Variants in CHRM2 observed in about 807,000 individuals in gnomAD.
CHRM2 encodes the protein cholinergic receptor muscarinic 2, also known as muscarinic acetylcholine receptor M2.
Under a neutral mutation model 25.0 loss-of-function variants are expected in CHRM2, and 8 were observed. That is an observed-to-expected ratio of 0.32 (90% CI 0.19 to 0.58). The LOEUF (loss-of-function observed/expected upper bound fraction) is 0.58. Ranked by LOEUF, CHRM2 falls within the 20% of genes least tolerant of loss-of-function variation. The pLI is 0.88. For synonymous variants in CHRM2, 202 were observed against 205.7 expected (o/e 0.98, Z 0.15); for missense variants, 440 against 567.1 (o/e 0.78, Z 2.28).
intron 2 of CHRM2, among the ~76,000 whole-genome samples, chr7:136,959,552 A>G (rs2130886178): frequency 6.6e-6 from 1 of 152,290 alleles, no homozygotes; most frequent in Non-Finnish European, 1.5e-5. Context: ...ACAGAAACCA[A>G]ACTCTACATT....
intron 3 of CHRM2, among the ~76,000 whole-genome samples, chr7:136,996,899 C>T (rs570397046): frequency 6.6e-6 from 1 of 152,268 alleles, no homozygotes; most frequent in South Asian, 2.1e-4. Flanking sequence ...TATTTTATGA[C>T]TTTGAGCCAA....
intron 2 of CHRM2, among the ~76,000 whole-genome samples, chr7:136,915,389 T>A (rs1798051542): frequency 6.6e-6 from 1 of 151,912 alleles, no homozygotes; most frequent in Non-Finnish European, 1.5e-5. Context: ...AATTTCCAAT[T>A]CCTGAGACTA....
At position 136,868,713 on chromosome 7, in the gene CHRM2, G is replaced by T. The variant is rs894541634; in HGVS notation, c.-562G>T. ...CACGCTCTCCTGCTGTACTAAAGGC[G>T]CCAGGGCGCAAAGACCTAGGGAGCG... On this transcript the variant is annotated 5_prime_UTR_variant, in exon 1 of 4. Transcript: ENST00000680005. 1 of 152,288 alleles carries T rather than the reference G, an allele frequency of 6.6e-6. No individual in the cohort carries two copies. The highest frequency in any genetic ancestry group is 1.5e-5 in the Non-Finnish European group (1 of 68,374). The allele number at this position is 152,288 out of a possible 1,614,324, so 9.4% of individuals were successfully genotyped here. A position where few individuals can be genotyped will look rare whatever the true frequency, so the allele number is the denominator to read the frequency against.
intron 2 of CHRM2, among the ~76,000 whole-genome samples, chr7:136,901,645 G>A (rs1797216715): frequency 6.6e-6 from 1 of 151,754 alleles, no homozygotes; most frequent in African/African-American, 2.4e-5. Context: ...TATTTTTTGA[G>A]AACATACAGA....
chr7:137,002,251 G>T (rs1336181004), intron 3 of CHRM2, among the ~76,000 whole-genome samples: 1 of 152,106 alleles, frequency 6.6e-6, no homozygotes, highest in Admixed American at 6.6e-5. Flanking sequence ...AGCATTTAGA[G>T]TGATATGGTA....
intron 2 of CHRM2, among the ~76,000 whole-genome samples, chr7:136,950,418 G>A (rs1007119913): frequency 6.6e-6 from 1 of 152,106 alleles, no homozygotes; most frequent in African/African-American, 2.4e-5. Flanking sequence ...TTGAGGCAAT[G>A]ACAGGCTTCC....
rs901953008 is a variant in CHRM2, at chr7:137,020,122, G to C, written c.*3856G>C. 3 of 151,624 alleles carry C rather than the reference G, an allele frequency of 2.0e-5. No homozygotes were observed. The highest frequency in any genetic ancestry group is 2.9e-5 in the Non-Finnish European group (2 of 67,836). The allele number at this position is 151,624 out of a possible 1,614,324, so 9.4% of individuals were successfully genotyped here. ...GGGTGCACGCTGTAGCATGAAATGT[G>C]TGCATATTTAATGTATCTTCCTGGA... On this transcript the variant is annotated 3_prime_UTR_variant, in exon 4 of 4. Coordinates refer to ENST00000680005, the MANE Select transcript of CHRM2 (RefSeq NM_001006630.2).
chr7:136,973,896 AT>A (rs1801946287), intron 2 of CHRM2, among the ~76,000 whole-genome samples: 1 of 152,154 alleles, frequency 6.6e-6, no homozygotes, highest in Admixed American at 6.5e-5. Flanking sequence ...AAATGTAATG[AT>A]TATTTAACAG....
chr7:137,003,357 G>T (rs899673435), intron 3 of CHRM2, among the ~76,000 whole-genome samples: 8 of 152,034 alleles, frequency 5.3e-5, no homozygotes, highest in African/African-American at 1.4e-4. Context: ...TGCTTTATGA[G>T]AAATTTTCCT....
chr7:136,895,939 A>G (rs1034337745), intron 2 of CHRM2, among the ~76,000 whole-genome samples: 7 of 152,150 alleles, frequency 4.6e-5, no homozygotes, highest in African/African-American at 1.4e-4. Flanking sequence ...GAGACCTTCT[A>G]AACACATTTC....
intron 2 of CHRM2, among the ~76,000 whole-genome samples, chr7:136,905,106 T>C (rs1225186705): frequency 1.3e-5 from 2 of 151,972 alleles, no homozygotes; most frequent in Non-Finnish European, 2.9e-5. Context: ...TTTTAAAATC[T>C]GAAGTGCTAG....
At chr7:136,913,580 C>T (rs1245220495) in intron 2 of CHRM2, among the ~76,000 whole-genome samples, 1 of 150,678 alleles carries the variant, frequency 6.6e-6, no homozygotes, top group Non-Finnish European at 1.5e-5. Context: ...TACCTAATCA[C>T]CAAAATAACC....
intron 2 of CHRM2, among the ~76,000 whole-genome samples, chr7:136,908,954 T>C (rs1283533537): frequency 6.6e-6 from 1 of 151,926 alleles, no homozygotes; most frequent in Non-Finnish European, 1.5e-5. Context: ...AATATTGGCA[T>C]TGAGTGACAG....
intron 2 of CHRM2, among the ~76,000 whole-genome samples, chr7:136,935,823 T>G (rs577976058): frequency 5.3e-5 from 8 of 152,186 alleles, no homozygotes; most frequent in Non-Finnish European, 1.0e-4. Flanking sequence ...TCATTTCCTT[T>G]TCACCTAAAC....
chr7:136,872,362 G>A (rs1158013050), intron 2 of CHRM2, among the ~76,000 whole-genome samples: 1 of 152,188 alleles, frequency 6.6e-6, no homozygotes, highest in African/African-American at 2.4e-5. Flanking sequence ...TGAAATACTG[G>A]TAAAAGTCCC....
chr7:136,973,728 ATTG>A (rs1392898509), intron 2 of CHRM2, among the ~76,000 whole-genome samples: 2 of 151,816 alleles, frequency 1.3e-5, no homozygotes, highest in Non-Finnish European at 1.5e-5. Context: ...GATGGTAGGA[ATTG>A]TTGTCGGTAA....
intron 3 of CHRM2, among the ~76,000 whole-genome samples, chr7:137,006,369 T>A (rs1403099160): frequency 6.6e-6 from 1 of 152,084 alleles, no homozygotes; most frequent in Non-Finnish European, 1.5e-5. Context: ...CATTTCCCCC[T>A]TATGACACTG....
intron 2 of CHRM2, among the ~76,000 whole-genome samples, chr7:136,883,853 G>A (rs746079270): frequency 1.3e-5 from 2 of 152,126 alleles, no homozygotes; most frequent in Non-Finnish European, 2.9e-5. Context: ...ATCAGAACAT[G>A]TGTTGGCCAT....
intron 2 of CHRM2, among the ~76,000 whole-genome samples, chr7:136,930,883 C>A (rs1190423352): frequency 8.8e-6 from 1 of 114,224 alleles, no homozygotes; most frequent in East Asian, 2.3e-4. Flanking sequence ...GGCTACAGAG[C>A]CAGACTCATT....
Sources: gnomAD v4.1 joint callset for allele counts (sites outside exome capture counted in the v4.1 genomes callset) on GRCh38, gnomAD v4.1.1 for gene constraint, MANE v1.5 for transcripts, NCBI Gene and HGNC (gene_info 2026-07-23, HGNC 2026-07-21) for gene names.